The following MGMT variants were observed in gnomAD, a reference collection of about 807,000 sequenced individuals.
MGMT encodes methylated-DNA--protein-cysteine methyltransferase.
In MGMT, 14 loss-of-function variants were observed where a neutral mutation model predicts 15.9. The ratio of observed to expected loss-of-function variants is 0.88; its 90% CI spans 0.58 to 1.37. MGMT has a LOEUF of 1.37. MGMT is among the 40% of genes most tolerant of loss of function. The pLI is 0.00. For synonymous variants in MGMT, 130 were observed against 118.2 expected, an observed-to-expected ratio of 1.10 and a Z score of -0.65; for missense variants, 282 against 268.1, an observed-to-expected ratio of 1.05 and a Z score of -0.36.
intron 2 of MGMT, among the ~76,000 whole-genome samples, chr10:129,576,577 T>C (rs983478108): frequency 2.6e-5 from 4 of 152,146 alleles, no homozygotes; most frequent in African/African-American, 9.7e-5. Flanking sequence ...ACAGCCAATA[T>C]CATACTGAAT....
chr10:129,731,386 G>T (rs967130268), intron 3 of MGMT, among the ~76,000 whole-genome samples: 1 of 134,320 alleles, frequency 7.4e-6, no homozygotes, highest in Non-Finnish European at 1.6e-5. Context: ...TTTTTGCGAC[G>T]GAGTCTCGCT....
intron 2 of MGMT, among the ~76,000 whole-genome samples, chr10:129,639,512 TAATTA>T (rs1433222662): frequency 6.6e-6 from 1 of 152,216 alleles, no homozygotes; most frequent in East Asian, 1.9e-4. Flanking sequence ...TAACTTGATG[TAATTA>T]ACATTTCTGG....
intron 2 of MGMT, among the ~76,000 whole-genome samples, chr10:129,693,280 C>T (rs1847990782): frequency 6.6e-6 from 1 of 152,188 alleles, no homozygotes; most frequent in Admixed American, 6.5e-5. Flanking sequence ...AGATGAATAT[C>T]TCACTATTAT....
chr10:129,585,301 C>T (rs1846605821), intron 2 of MGMT, among the ~76,000 whole-genome samples: 1 of 152,164 alleles, frequency 6.6e-6, no homozygotes, highest in African/African-American at 2.4e-5. Flanking sequence ...GGAGGACACA[C>T]TTGGTGTACT....
rs989341819 is a variant in MGMT at position 129,532,703 on chromosome 10, A to G, written c.-12-3538A>G. ...TGTGGTCTGTGCAGAATGGCGTGAC[A>G]GCCCTTCCAGCCCGTCACGGTGTGT... On this transcript the variant is annotated intron_variant, in intron 1 of 4. Transcript: ENST00000651593. The surrounding 1 kb of genome is among the most constrained non-coding windows in gnomAD (Gnocchi z 5.3). Among the ~76,000 whole-genome samples, 4 of 152,058 alleles carry G rather than the reference A, an allele frequency of 2.6e-5. No homozygotes were observed. The highest frequency in any genetic ancestry group is 9.7e-5 in the African/African-American group (4 of 41,400).
chr10:129,596,114 C>A (rs1034840325), intron 2 of MGMT, among the ~76,000 whole-genome samples: 3 of 152,218 alleles, frequency 2.0e-5, no homozygotes, highest in Admixed American at 6.5e-5. Flanking sequence ...CTCCCTGCCC[C>A]AGGGTATCGG....
chr10:129,743,444 A>G (rs1307240007), intron 3 of MGMT, among the ~76,000 whole-genome samples: 1 of 152,168 alleles, frequency 6.6e-6, no homozygotes, highest in African/African-American at 2.4e-5. Flanking sequence ...CAGTGGACAG[A>G]GGTGCATCAG....
At position 129,657,709 on chromosome 10, in the gene MGMT, A is replaced by G. The variant is rs533159090; in HGVS notation, c.126-50186A>G. Among the ~76,000 whole-genome samples, 91 of 145,056 alleles carry G rather than the reference A, an allele frequency of 6.3e-4. 1 individual carries two copies. The highest frequency in any genetic ancestry group is 1.1e-3 in the Non-Finnish European group (70 of 64,798). On this transcript the variant is annotated intron_variant, in intron 2 of 4. Coordinates refer to ENST00000651593, the MANE Select transcript of MGMT (RefSeq NM_002412.5). ...CACACACACACACACACACACACGC[A>G]CACACACACACACACACACCCCCTC...
chr10:129,707,019 T>C (rs1007266032), intron 2 of MGMT, among the ~76,000 whole-genome samples: 1 of 151,952 alleles, frequency 6.6e-6, no homozygotes, highest in Non-Finnish European at 1.5e-5. Context: ...CCCAGCAGTT[T>C]GGGGGGCCCA....
chr10:129,548,516 G>A (rs891201123), intron 2 of MGMT, among the ~76,000 whole-genome samples: 11 of 152,218 alleles, frequency 7.2e-5, no homozygotes, highest in African/African-American at 2.7e-4. Flanking sequence ...AGAAAACTGG[G>A]CCACTCATTT....
intron 3 of MGMT, among the ~76,000 whole-genome samples, chr10:129,722,045 A>C (rs555037722): frequency 6.6e-6 from 1 of 152,180 alleles, no homozygotes; most frequent in South Asian, 2.1e-4. Flanking sequence ...TAAAATGATG[A>C]CAGAGTCCTA....
At chr10:129,573,124 G>A (rs947182790) in intron 2 of MGMT, among the ~76,000 whole-genome samples, 5 of 151,754 alleles carry the variant, frequency 3.3e-5, no homozygotes, top group African/African-American at 7.3e-5. Context: ...GATTGTTTGG[G>A]GTTCCTTGGT....
chr10:129,576,750 C>T (rs1362946690), intron 2 of MGMT, among the ~76,000 whole-genome samples: 1 of 152,196 alleles, frequency 6.6e-6, no homozygotes, highest in African/African-American at 2.4e-5. Context: ...CAAATTGTCC[C>T]TGTTTGCAGA....
At chr10:129,567,738 A>T (rs542518922) in intron 2 of MGMT, among the ~76,000 whole-genome samples, 2 of 152,366 alleles carry the variant, frequency 1.3e-5, no homozygotes, top group South Asian at 4.1e-4. Context: ...CACAAAAATG[A>T]TGATATACAA....
chr10:129,500,160 TA>T (rs1845560776), intron 1 of MGMT, among the ~76,000 whole-genome samples: 1 of 152,244 alleles, frequency 6.6e-6, no homozygotes, highest in Non-Finnish European at 1.5e-5. Flanking sequence ...ATTGGATTTT[TA>T]AAACTTCAAC....
At chr10:129,568,381 C>T (rs1420596388) in intron 2 of MGMT, among the ~76,000 whole-genome samples, 3 of 152,172 alleles carry the variant, frequency 2.0e-5, no homozygotes, top group Admixed American at 6.5e-5. Flanking sequence ...GTCAGGAGCC[C>T]TCACTCAGGA....
At chr10:129,595,823 A>G (rs1387796481) in intron 2 of MGMT, among the ~76,000 whole-genome samples, 1 of 152,014 alleles carries the variant, frequency 6.6e-6, no homozygotes, top group Non-Finnish European at 1.5e-5. Flanking sequence ...GCCGTCGGGG[A>G]GTTCCTCCTG....
chr10:129,594,982 C>T (rs1423690853), intron 2 of MGMT, among the ~76,000 whole-genome samples: 1 of 152,154 alleles, frequency 6.6e-6, no homozygotes, highest in East Asian at 1.9e-4. Flanking sequence ...AGAGGGGAGC[C>T]GGAGCAGCGC....
intron 3 of MGMT, among the ~76,000 whole-genome samples, chr10:129,731,250 C>T (rs952213204): frequency 1.3e-4 from 20 of 152,126 alleles, no homozygotes; most frequent in Non-Finnish European, 1.2e-4. Flanking sequence ...CCTTCAGACC[C>T]TCGATTCCTC....
Sources: allele counts gnomAD v4.1 joint callset (sites outside exome capture counted in the v4.1 genomes callset), GRCh38; gene constraint gnomAD v4.1.1; non-coding constraint Gnocchi (gnomAD v3.1); transcripts MANE v1.5; gene names NCBI Gene and HGNC (gene_info 2026-07-23, HGNC 2026-07-21).